The following TOX variants were observed in gnomAD, a reference collection of about 807,000 sequenced individuals.
The protein encoded by TOX is thymocyte selection associated high mobility group box.
In TOX, 11 loss-of-function variants were observed where a neutral mutation model predicts 53.7. The ratio of observed to expected loss-of-function variants is 0.20; its 90% CI spans 0.13 to 0.34. The LOEUF (loss-of-function observed/expected upper bound fraction) is 0.34, where lower values mean the gene tolerates loss of function less well. TOX is among the 10% of genes least tolerant of loss of function. The pLI, the probability that TOX is intolerant of heterozygous loss-of-function variation, is 1.00. For synonymous variants in TOX, 225 were observed against 245.3 expected, an observed-to-expected ratio of 0.92 and a Z score of 0.77; for missense variants, 570 against 664.6, an observed-to-expected ratio of 0.86 and a Z score of 1.56.
Position 59,035,040 on chromosome 8 carries a change from G to A in TOX, c.103-75032C>T, listed in dbSNP as rs555199331. On this transcript the variant is annotated intron_variant, in intron 1 of 8. Coordinates refer to ENST00000361421, the MANE Select transcript of TOX (RefSeq NM_014729.3). ...TGCTCTGATCCTCCCAGGTGTGGGCGGAAGGAAAGCCACAGGGAATGGGGC... is the reference window on the plus strand; with the variant it reads ...TGCTCTGATCCTCCCAGGTGTGGGCAGAAGGAAAGCCACAGGGAATGGGGC... Among the ~76,000 whole-genome samples the A allele has an allele frequency of 2.0e-5, 3 of 152,198 alleles. No homozygotes were observed. In the South Asian group the frequency reaches 6.2e-4, roughly 32 times the overall value.
chr8:59,044,722 A>G (rs1803654323), intron 1 of TOX, among the ~76,000 whole-genome samples: 1 of 152,186 alleles, frequency 6.6e-6, no homozygotes, highest in South Asian at 2.1e-4. Context: ...AATGTAACCC[A>G]TTTCCTCTTC....
chr8:59,082,548 C>T (rs1026920560), intron 1 of TOX, among the ~76,000 whole-genome samples: 2 of 152,178 alleles, frequency 1.3e-5, no homozygotes, highest in African/African-American at 4.8e-5. Context: ...ACATCAAAAA[C>T]ATATTTACGA....
chr8:59,049,148 C>T (rs1377021347), intron 1 of TOX, among the ~76,000 whole-genome samples: 4 of 151,392 alleles, frequency 2.6e-5, no homozygotes, highest in Non-Finnish European at 4.4e-5. Flanking sequence ...AACATGCACG[C>T]TTAAAACATC....
rs527798350 is a variant in TOX, at chr8:58,887,993, C to T, written c.412-36188G>A. Among the ~76,000 whole-genome samples, 4 of 152,150 alleles carry T rather than the reference C, an allele frequency of 2.6e-5. No homozygotes were observed. The East Asian group carries it at 7.7e-4, about 29-fold the overall frequency. Reference sequence around the variant, plus strand: ...GCTAGATGGTATAGCCTACTAAAGGCCCAGGCTATATAGTGTAGCCTATTG... The same window carrying T: ...GCTAGATGGTATAGCCTACTAAAGGTCCAGGCTATATAGTGTAGCCTATTG... On this transcript the variant is annotated intron_variant, in intron 3 of 8. Coordinates refer to ENST00000361421, the MANE Select transcript of TOX (RefSeq NM_014729.3).
intron 1 of TOX, among the ~76,000 whole-genome samples, chr8:59,072,897 TA>T (rs1421095745): frequency 6.6e-6 from 1 of 152,226 alleles, no homozygotes; most frequent in Non-Finnish European, 1.5e-5. Flanking sequence ...TGCTTGGTAT[TA>T]TTTAAAATTG....
At chr8:58,850,887 C>G (rs1810802573) in intron 4 of TOX, among the ~76,000 whole-genome samples, 2 of 152,118 alleles carry the variant, frequency 1.3e-5, no homozygotes, top group Non-Finnish European at 2.9e-5. Context: ...AAACAAAATT[C>G]TCACAATGGT....
intron 1 of TOX, among the ~76,000 whole-genome samples, chr8:59,065,219 A>AAAC (rs960904991): frequency 3.5e-4 from 54 of 152,192 alleles, no homozygotes; most frequent in East Asian, 3.8e-4. Flanking sequence ...TTTCATAATT[A>AAAC]AACAACAACA....
At chr8:58,828,747 T>C (rs1810404604) in intron 5 of TOX, among the ~76,000 whole-genome samples, 1 of 152,138 alleles carries the variant, frequency 6.6e-6, no homozygotes, top group Non-Finnish European at 1.5e-5. Flanking sequence ...CTGTTTATAG[T>C]TTTTCCTTAA....
intron 1 of TOX, among the ~76,000 whole-genome samples, chr8:59,002,085 C>T (rs1361487791): frequency 4.7e-5 from 7 of 150,234 alleles, no homozygotes; most frequent in African/African-American, 9.8e-5. Context: ...AGTAATTATC[C>T]TGCTGTCAGC....
chr8:59,059,829 T>C (rs1803947828), intron 1 of TOX, among the ~76,000 whole-genome samples: 4 of 151,612 alleles, frequency 2.6e-5, no homozygotes, highest in Admixed American at 2.6e-4. Context: ...CAGAAAGGAG[T>C]AGTGAACATC....
At chr8:58,866,436 T>C (rs1323309812) in intron 3 of TOX, among the ~76,000 whole-genome samples, 2 of 152,220 alleles carry the variant, frequency 1.3e-5, no homozygotes, top group Non-Finnish European at 1.5e-5. Context: ...AGCAGCATTA[T>C]TTATTACAAA....
intron 1 of TOX, among the ~76,000 whole-genome samples, chr8:58,987,200 G>T (rs572183696): frequency 6.6e-6 from 1 of 152,248 alleles, no homozygotes; most frequent in South Asian, 2.1e-4. Flanking sequence ...TTTTCCCTTA[G>T]TGTTCCAGAT....
chr8:59,033,127 A>T (rs1042084713), intron 1 of TOX, among the ~76,000 whole-genome samples: 11 of 152,216 alleles, frequency 7.2e-5, no homozygotes, highest in Non-Finnish European at 1.5e-4. Flanking sequence ...CTCTCTTAAG[A>T]AGCCTCTCCT....
rs1217145853 is a variant in TOX, at chr8:59,040,316, G to T, written c.102+78570C>A. 5.0e-5 allele frequency among the ~76,000 whole-genome samples: 6 copies of T among 119,262 alleles called. No homozygotes were observed. The East Asian group carries it at 1.4e-3, about 28-fold the overall frequency. The allele number at this position is 119,262 out of a possible 152,430, so 78.2% of individuals were successfully genotyped here. ...TGCACTCCAGCCTGGGCGACAGAGC[G>T]AGACTCCGTCTCAAAAAAAAAAAAA... is the stretch of plus-strand genomic sequence containing the variant. On this transcript the variant is annotated intron_variant, in intron 1 of 8. Coordinates refer to ENST00000361421, the MANE Select transcript of TOX (RefSeq NM_014729.3).
chr8:58,987,182 C>T (rs993808636), intron 1 of TOX, among the ~76,000 whole-genome samples: 2 of 152,122 alleles, frequency 1.3e-5, no homozygotes, highest in African/African-American at 4.8e-5. Flanking sequence ...ATTTGCATAA[C>T]GACACGATTT....
Position 58,943,269 on chromosome 8 carries a change from C to T in TOX, c.169-3725G>A, listed in dbSNP as rs118137599. ...GGCCCCTTGGGTGACTGCTGGGGCA[C>T]GTGAAGGAAGTCACAGCAGCAGTTC... On this transcript the variant is annotated intron_variant, in intron 2 of 8. Transcript: ENST00000361421. 6.0e-4 allele frequency among the ~76,000 whole-genome samples: 91 copies of T among 152,170 alleles called. 1 individual carries two copies. The East Asian group carries it at 0.017, about 28-fold the overall frequency.
intron 3 of TOX, among the ~76,000 whole-genome samples, chr8:58,910,359 GAC>G (rs1811888446): frequency 6.6e-6 from 1 of 152,080 alleles, no homozygotes; most frequent in Non-Finnish European, 1.5e-5. Context: ...GGAAAAATGT[GAC>G]AGATTTTTGA....
intron 1 of TOX, among the ~76,000 whole-genome samples, chr8:58,964,820 A>G (rs994498002): frequency 1.3e-5 from 2 of 151,962 alleles, no homozygotes; most frequent in Admixed American, 1.3e-4. Context: ...TTTATACTTC[A>G]TCTCCATAAG....
intron 3 of TOX, among the ~76,000 whole-genome samples, chr8:58,856,936 T>C (rs1174780754): frequency 6.6e-6 from 1 of 152,106 alleles, no homozygotes; most frequent in African/African-American, 2.4e-5. Flanking sequence ...TAAATGTCTG[T>C]CATTGCAGAA....
Sources: gnomAD v4.1 joint callset for allele counts (sites outside exome capture counted in the v4.1 genomes callset) on GRCh38, gnomAD v4.1.1 for gene constraint, MANE v1.5 for transcripts, NCBI Gene and HGNC (gene_info 2026-07-23, HGNC 2026-07-21) for gene names.